The following EBF2 variants were observed in gnomAD, a reference collection of about 807,000 sequenced individuals.
The protein encoded by EBF2 is EBF transcription factor 2.
EBF2 carries 21 observed loss-of-function variants against 72.8 expected under a neutral mutation model. The observed-to-expected ratio is 0.29, with a 90% CI of 0.20 to 0.42. The LOEUF is 0.42. EBF2 is among the 10% of genes least tolerant of loss of function. The probability of loss-of-function intolerance (pLI) is 1.00; values close to 1 mark genes in which losing one functional copy is unlikely to be tolerated. For synonymous variants in EBF2, 299 were observed against 274.2 expected, an observed-to-expected ratio of 1.09 and a Z score of -0.89; for missense variants, 637 against 731.2, an observed-to-expected ratio of 0.87 and a Z score of 1.49.
At chr8:26,002,218 A>G (rs912319063) in intron 6 of EBF2, among the ~76,000 whole-genome samples, 2 of 152,152 alleles carry the variant, frequency 1.3e-5, no homozygotes, top group African/African-American at 4.8e-5. Flanking sequence ...GCCTAAGGCA[A>G]CATGAAGTCT....
intron 7 of EBF2, among the ~76,000 whole-genome samples, chr8:25,897,736 T>C (rs1193615934): frequency 6.6e-6 from 1 of 152,236 alleles, no homozygotes; most frequent in African/African-American, 2.4e-5. Flanking sequence ...ATGGTGTCTA[T>C]GTACCACATT....
At chr8:26,024,221 A>G (rs1375633471) in intron 6 of EBF2, among the ~76,000 whole-genome samples, 1 of 152,146 alleles carries the variant, frequency 6.6e-6, no homozygotes, top group South Asian at 2.1e-4. Flanking sequence ...AGGTATAGCC[A>G]TCACCCCACC....
chr8:26,024,061 T>A (rs1805258057), intron 6 of EBF2, among the ~76,000 whole-genome samples: 3 of 152,120 alleles, frequency 2.0e-5, no homozygotes, highest in African/African-American at 7.2e-5. Flanking sequence ...GCCCAAATAA[T>A]CTCTCCAACT....
chr8:26,044,701 C>T lies in EBF2; in HGVS notation c.131+28G>A, dbSNP rs1205739649. 5.6e-6 allele frequency: 9 copies of T among 1,611,816 alleles called. No homozygotes were observed. The highest frequency in any genetic ancestry group is 5.0e-5 in the Admixed American group (3 of 59,882). On this transcript the variant is annotated intron_variant, in intron 1 of 15. Coordinates refer to ENST00000520164, the MANE Select transcript of EBF2 (RefSeq NM_022659.4). The surrounding 1 kb of genome is among the most constrained non-coding windows in gnomAD (Gnocchi z 4.1). ...GACAGACCGTAAGAGCGAGAGACAG[C>T]ATAATAATTGCGCGGCCGTGTCGTT...
At chr8:25,886,106 AC>A (rs1802686236) in intron 10 of EBF2, among the ~76,000 whole-genome samples, 1 of 151,592 alleles carries the variant, frequency 6.6e-6, no homozygotes, top group Admixed American at 6.6e-5. Context: ...TCACCCCATT[AC>A]TCTTGTCCAC....
chr8:26,012,126 C>G (rs1445973320), intron 6 of EBF2, among the ~76,000 whole-genome samples: 2 of 152,100 alleles, frequency 1.3e-5, no homozygotes, highest in African/African-American at 2.4e-5. Context: ...TATCATTTCC[C>G]TAGAGTTCCT....
intron 6 of EBF2, among the ~76,000 whole-genome samples, chr8:25,935,336 T>A (rs1343565182): frequency 6.6e-6 from 1 of 152,186 alleles, no homozygotes; most frequent in Non-Finnish European, 1.5e-5. Context: ...ATTATGCAGC[T>A]CATCCCTTTA....
At chr8:25,971,850 G>A (rs940936255) in intron 6 of EBF2, among the ~76,000 whole-genome samples, 2 of 152,180 alleles carry the variant, frequency 1.3e-5, no homozygotes, top group Admixed American at 1.3e-4. Flanking sequence ...TAGGGCACCC[G>A]TCTAGGGAGG....
chr8:25,880,537 G>A (rs1453675686), intron 10 of EBF2, among the ~76,000 whole-genome samples: 1 of 152,034 alleles, frequency 6.6e-6, no homozygotes, highest in Non-Finnish European at 1.5e-5. Flanking sequence ...TAATACCTAA[G>A]TATTTATACC....
At chr8:26,027,749 GT>G (rs1320461141) in intron 6 of EBF2, among the ~76,000 whole-genome samples, 2 of 152,004 alleles carry the variant, frequency 1.3e-5, no homozygotes, top group East Asian at 3.9e-4. Flanking sequence ...ACAAAATGTG[GT>G]TCATCCATAC....
At chr8:25,963,932 T>C (rs1428910364) in intron 6 of EBF2, among the ~76,000 whole-genome samples, 1 of 152,204 alleles carries the variant, frequency 6.6e-6, no homozygotes, top group Non-Finnish European at 1.5e-5. Flanking sequence ...GCTAGGAGTT[T>C]ACTCCAGTAT....
At chr8:26,008,561 G>A (rs190654761) in intron 6 of EBF2, among the ~76,000 whole-genome samples, 20 of 152,136 alleles carry the variant, frequency 1.3e-4, no homozygotes, top group African/African-American at 4.8e-4. Flanking sequence ...AGTACTCACT[G>A]AGATCACTGT....
At chr8:25,858,849 C>T (rs942479143) in intron 13 of EBF2, among the ~76,000 whole-genome samples, 9 of 151,710 alleles carry the variant, frequency 5.9e-5, no homozygotes, top group African/African-American at 9.7e-5. Context: ...TTAGTGGAGA[C>T]GGGAATTCAC....
In EBF2 at chr8:26,040,098, T is replaced by C. The variant is rs747309036; in HGVS notation, c.412A>G (p.Ile138Val). The C allele has an allele frequency of 8.7e-6, 14 of 1,613,240 alleles. No individual in the cohort carries two copies. The highest frequency in any genetic ancestry group is 1.7e-5 in the Admixed American group (1 of 59,960). The change falls in exon 5 of 16, where the codon ATC (isoleucine) becomes GTC (valine). Residue 138 changes from isoleucine (I) to valine (V), a missense_variant. Transcript: ENST00000520164. Reference sequence around the variant, plus strand: ...TTCTTATTCTGTCCCTCGTAAGCGATGGGCTGTGAAGGAGGTAGTGGCAGG... The same window carrying C: ...TTCTTATTCTGTCCCTCGTAAGCGACGGGCTGTGAAGGAGGTAGTGGCAGG... ...RLIDSVTKQPIAYEGQNKNPE... is the reference protein window; with the variant it reads ...RLIDSVTKQPVAYEGQNKNPE...
intron 6 of EBF2, among the ~76,000 whole-genome samples, chr8:25,988,682 G>A (rs1158401460): frequency 2.0e-5 from 3 of 152,156 alleles, no homozygotes; most frequent in African/African-American, 7.2e-5. Context: ...AATTATAAGG[G>A]TAACATTTTA....
At chr8:25,973,900 A>C (rs1339131944) in intron 6 of EBF2, among the ~76,000 whole-genome samples, 2 of 151,200 alleles carry the variant, frequency 1.3e-5, no homozygotes, top group Non-Finnish European at 2.9e-5. Context: ...GATCTCACAA[A>C]CTCCTGGGAG....
At chr8:26,005,561 T>TAGAGAGAG (rs1554481009) in intron 6 of EBF2, among the ~76,000 whole-genome samples, 1,979 of 63,194 alleles carry the variant, frequency 0.031, 64 homozygotes, top group African/African-American at 0.055. Flanking sequence ...TATATATATA[T>TAGAGAGAG]AGAGAGAGAG....
intron 10 of EBF2, among the ~76,000 whole-genome samples, chr8:25,871,400 T>G (rs1457546728): frequency 6.6e-6 from 1 of 152,220 alleles, no homozygotes; most frequent in East Asian, 1.9e-4. Context: ...AGAGAAGTGC[T>G]GGCAAGGCAA....
At chr8:25,934,646 C>T (rs1023642213) in intron 6 of EBF2, among the ~76,000 whole-genome samples, 2 of 152,156 alleles carry the variant, frequency 1.3e-5, no homozygotes, top group Non-Finnish European at 2.9e-5. Flanking sequence ...GCATGCTCAA[C>T]CAAAGTGACA....
Sources: allele counts gnomAD v4.1 joint callset (sites outside exome capture counted in the v4.1 genomes callset), GRCh38; gene constraint gnomAD v4.1.1; non-coding constraint Gnocchi (gnomAD v3.1); transcripts MANE v1.5; gene names NCBI Gene and HGNC (gene_info 2026-07-23, HGNC 2026-07-21).